Variants in IL19 observed in about 807,000 individuals in gnomAD.
The protein encoded by IL19 is interleukin-19.
In IL19, 15 loss-of-function variants were observed where a neutral mutation model predicts 19.5. The observed-to-expected ratio is 0.77, with a 90% CI of 0.52 to 1.19. The LOEUF (loss-of-function observed/expected upper bound fraction) is 1.19, where lower values mean the gene tolerates loss of function less well. Ranked by LOEUF, IL19 falls within the 50% of genes most tolerant of loss-of-function variation. The pLI is 0.00. For missense variants in IL19, 199 were observed against 213.1 expected (o/e 0.93, Z 0.41); for synonymous variants, 78 against 78.3 (o/e 1.00, Z 0.02).
chr1:206,833,198 G>C (rs1042448192), intron 2 of IL19, among the ~76,000 whole-genome samples: 2 of 152,224 alleles, frequency 1.3e-5, no homozygotes, highest in Non-Finnish European at 1.5e-5. Context: ...TAGAATGAGT[G>C]GTCCCATGAG....
At chr1:206,808,367 A>T (rs1462057543) in intron 2 of IL19, among the ~76,000 whole-genome samples, 1 of 152,150 alleles carries the variant, frequency 6.6e-6, no homozygotes, top group African/African-American at 2.4e-5. Context: ...AACCATACCA[A>T]ACAAAAGATA....
At chr1:206,798,328 G>A (rs578081302) in intron 1 of IL19, among the ~76,000 whole-genome samples, 2 of 152,148 alleles carry the variant, frequency 1.3e-5, no homozygotes, top group South Asian at 4.1e-4. Flanking sequence ...TACAGCCCAG[G>A]CATCCCCTCT....
At chr1:206,831,670 C>T (rs780652246) in intron 2 of IL19, among the ~76,000 whole-genome samples, 2 of 152,146 alleles carry the variant, frequency 1.3e-5, no homozygotes, top group Non-Finnish European at 2.9e-5. Context: ...TCATGCTGCG[C>T]CTACATGGTG....
chr1:206,816,790 G>A (rs909649499), intron 2 of IL19, among the ~76,000 whole-genome samples: 14 of 151,988 alleles, frequency 9.2e-5, no homozygotes, highest in African/African-American at 3.4e-4. Flanking sequence ...CTATATGAGA[G>A]ACATACTTTA....
chr1:206,806,449 C>G (rs918828509), intron 2 of IL19, among the ~76,000 whole-genome samples: 1 of 152,268 alleles, frequency 6.6e-6, no homozygotes, highest in South Asian at 2.1e-4. Context: ...GAAAACAAGT[C>G]AAGCATTTTT....
chr1:206,833,251 G>A (rs1676671487), intron 2 of IL19, among the ~76,000 whole-genome samples: 1 of 152,240 alleles, frequency 6.6e-6, no homozygotes, highest in Non-Finnish European at 1.5e-5. Context: ...ACTGCTAGAG[G>A]AAGCAGAAAC....
intron 1 of IL19, among the ~76,000 whole-genome samples, chr1:206,772,674 T>A (rs1055158441): frequency 2.6e-5 from 4 of 152,214 alleles, no homozygotes; most frequent in African/African-American, 9.6e-5. Flanking sequence ...AATGATTGGT[T>A]GAACATGAAC....
intron 1 of IL19, among the ~76,000 whole-genome samples, chr1:206,796,863 C>T (rs1387067806): frequency 6.6e-6 from 1 of 152,248 alleles, no homozygotes; most frequent in Non-Finnish European, 1.5e-5. Flanking sequence ...GCAGCTTCCT[C>T]CACCATTCTG....
chr1:206,832,294 C>T (rs138740998), intron 2 of IL19, among the ~76,000 whole-genome samples: 17 of 152,338 alleles, frequency 1.1e-4, no homozygotes, highest in African/African-American at 4.1e-4. Context: ...TCCTTTAGCT[C>T]ATTCAAATCC....
At chr1:206,826,916 TTCAGGGA>T (rs1476868781) in intron 2 of IL19, among the ~76,000 whole-genome samples, 1 of 152,030 alleles carries the variant, frequency 6.6e-6, no homozygotes, top group Non-Finnish European at 1.5e-5. Context: ...GGACTGAGAG[TTCAGGGA>T]TGTGGCCTCC....
intron 4 of IL19, among the ~76,000 whole-genome samples, chr1:206,838,098 G>A (rs1057435508): frequency 1.3e-5 from 2 of 152,200 alleles, no homozygotes; most frequent in Non-Finnish European, 2.9e-5. Flanking sequence ...ATCATAAATT[G>A]TTTTAGAAAG....
intron 1 of IL19, among the ~76,000 whole-genome samples, chr1:206,793,930 GGTGTGGGTGGAA>G (rs1360878012): frequency 1.3e-5 from 2 of 152,268 alleles, no homozygotes; most frequent in Non-Finnish European, 2.9e-5. Flanking sequence ...GGGACAGGGA[GGTGTGGGTGGAA>G]GCCTGGGCTA....
At chr1:206,771,958 AAT>A (rs140487354) in intron 1 of IL19, among the ~76,000 whole-genome samples, 2,060 of 152,324 alleles carry the variant, frequency 0.014, 44 homozygotes, top group African/African-American at 0.047. Flanking sequence ...CTTCACCTCG[AAT>A]CAGACATTTC....
At chr1:206,807,990 A>G (rs779444888) in intron 2 of IL19, among the ~76,000 whole-genome samples, 2 of 152,256 alleles carry the variant, frequency 1.3e-5, no homozygotes, top group African/African-American at 4.8e-5. Flanking sequence ...AACAGTAAAT[A>G]AACACATTCA....
At chr1:206,781,431 A>AAAAAAAAG (rs1675126335) in intron 1 of IL19, among the ~76,000 whole-genome samples, 1 of 148,644 alleles carries the variant, frequency 6.7e-6, no homozygotes, top group African/African-American at 2.5e-5. Context: ...AAAAAAAAAA[A>AAAAAAAAG]AAAAAAAGAA....
chr1:206,785,401 G>C (rs541453013), intron 1 of IL19, among the ~76,000 whole-genome samples: 72 of 152,334 alleles, frequency 4.7e-4, no homozygotes, highest in African/African-American at 1.7e-3. Context: ...CTTCTAGAGA[G>C]TCAGGAGGTC....
intron 5 of IL19, chr1:206,840,430 A>C: frequency 3.6e-6 from 1 of 280,108 alleles, no homozygotes; most frequent in African/African-American, 2.2e-5. Flanking sequence ...ATCCAACATC[A>C]GAAACAAAAC....
chr1:206,841,179 C>G (rs966845981), intron 6 of IL19, 101 bp downstream of exon 6: 1 of 865,362 alleles, frequency 1.2e-6, no homozygotes, highest in African/African-American at 1.7e-5. Context: ...TGCATTCACT[C>G]TATAAGCAGC....
chr1:206,803,548 T>TGCTGC (rs1300155822), intron 2 of IL19, among the ~76,000 whole-genome samples: 3 of 152,136 alleles, frequency 2.0e-5, no homozygotes, highest in African/African-American at 7.2e-5. Context: ...GCTTGTACTG[T>TGCTGC]GCTGCGATAA....
Sources: gnomAD v4.1 joint callset for allele counts (sites outside exome capture counted in the v4.1 genomes callset) on GRCh38, gnomAD v4.1.1 for gene constraint, MANE v1.5 for transcripts, NCBI Gene and HGNC (gene_info 2026-07-23, HGNC 2026-07-21) for gene names.